Variants in GSE1 observed in about 807,000 individuals in gnomAD.
GSE1 encodes the protein Gse1 coiled-coil protein.
In GSE1, 32 loss-of-function variants were observed where a neutral mutation model predicts 112.6. The observed-to-expected ratio is 0.28, with a 90% CI of 0.21 to 0.38. GSE1 has a LOEUF of 0.38. Among genes scored for constraint, GSE1 ranks in the 10% least tolerant of loss-of-function variants. GSE1 has a pLI of 1.00. For missense variants in GSE1, 2,348 were observed against 1,699.2 expected (o/e 1.38, Z -6.71); for synonymous variants, 1,115 against 735.6 (o/e 1.52, Z -8.35).
intron 1 of GSE1, among the ~76,000 whole-genome samples, chr16:85,230,856 T>TGGAG (rs1250608076): frequency 1.8e-4 from 27 of 151,398 alleles, no homozygotes; most frequent in African/African-American, 6.1e-4. Flanking sequence ...GATGGATGGA[T>TGGAG]GGATGGATGG....
chr16:85,537,491 C>T (rs528189349), intron 2 of GSE1, among the ~76,000 whole-genome samples: 4 of 152,304 alleles, frequency 2.6e-5, no homozygotes, highest in African/African-American at 7.2e-5. Context: ...GCTGCCCAGG[C>T]GCCTGAAAGC....
At chr16:85,627,553 C>T (rs1052536106) in intron 1 of GSE1, among the ~76,000 whole-genome samples, 2 of 151,524 alleles carry the variant, frequency 1.3e-5, no homozygotes, top group Admixed American at 6.6e-5. Context: ...CAGAGCAGCA[C>T]GTGATGTAAA....
rs190902137 is a variant in GSE1, at chr16:85,650,319, C to A, written c.426+1568C>A. Reference sequence around the variant, plus strand: ...CCTTGACCCCATGGGCCCTGAATCACCCGACTCAAACAGCTGAGGCTCCTT... The same window carrying A: ...CCTTGACCCCATGGGCCCTGAATCAACCGACTCAAACAGCTGAGGCTCCTT... On this transcript the variant is annotated intron_variant, in intron 3 of 15. Transcript: ENST00000253458. Among the ~76,000 whole-genome samples, 204 of 152,260 alleles carry A rather than the reference C, an allele frequency of 1.3e-3. 1 individual carries two copies. Among genetic ancestry groups the A allele is most frequent in the African/African-American group, 4.5e-3 (186 of 41,566 alleles).
chr16:85,513,295 A>G (rs1311905823), intron 2 of GSE1, among the ~76,000 whole-genome samples: 1 of 151,314 alleles, frequency 6.6e-6, no homozygotes, highest in Non-Finnish European at 1.5e-5. Flanking sequence ...ATGAACCCGG[A>G]CTCTAGCCTA....
At chr16:85,237,851 G>GA (rs918473288) in intron 1 of GSE1, among the ~76,000 whole-genome samples, 21 of 135,194 alleles carry the variant, frequency 1.6e-4, no homozygotes, top group South Asian at 7.2e-4. Flanking sequence ...CAAAAAAAAA[G>GA]AAAAAAAAAA....
Position 85,550,650 on chromosome 16 carries a change from G to T in GSE1, c.2465-83264G>T, listed in dbSNP as rs905110675. 2.0e-5 allele frequency among the ~76,000 whole-genome samples: 3 copies of T among 152,136 alleles called. No individual in the cohort carries two copies. In the East Asian group the frequency reaches 5.8e-4, roughly 29 times the overall value. ...CAGCTCCCAGCCGAGGCACCCCGCCGCCTGCACTCCAGACCCCAGCCTGCA... is the reference window on the plus strand; with the variant it reads ...CAGCTCCCAGCCGAGGCACCCCGCCTCCTGCACTCCAGACCCCAGCCTGCA... On this transcript the variant is annotated intron_variant, in intron 2 of 2. Coordinates refer to the GSE1 transcript ENST00000637419.
chr16:85,594,375 G>A (rs1237347491), intron 1 of GSE1: 1 of 152,244 alleles, frequency 6.6e-6, no homozygotes, highest in East Asian at 1.9e-4. Context: ...TGAGCCCTGA[G>A]TCTCCAGGGG....
At chr16:85,185,819 C>T (rs956318719) in intron 1 of GSE1, among the ~76,000 whole-genome samples, 3 of 152,242 alleles carry the variant, frequency 2.0e-5, no homozygotes, top group African/African-American at 7.2e-5. Context: ...ATGGTCTGAA[C>T]CCTCCCTGGG....
intron 1 of GSE1, among the ~76,000 whole-genome samples, chr16:85,301,039 C>G (rs780017392): frequency 8.5e-5 from 13 of 152,218 alleles, no homozygotes; most frequent in Non-Finnish European, 1.6e-4. Context: ...CCTTCCCCCA[C>G]TACACAGAAT....
chr16:85,434,307 CTAA>C (rs59877761), intron 2 of GSE1, among the ~76,000 whole-genome samples: 1,704 of 142,240 alleles, frequency 0.012, 9 homozygotes, highest in East Asian at 0.041. Context: ...GGATGGTGGT[CTAA>C]TAATAATAAT....
chr16:85,201,873 T>C (rs998294937), intron 1 of GSE1, among the ~76,000 whole-genome samples: 3 of 152,226 alleles, frequency 2.0e-5, no homozygotes, highest in African/African-American at 7.2e-5. Flanking sequence ...TTTTTAGTTT[T>C]TCAGGGCCTC....
rs1258524933 is a variant in GSE1 at position 85,171,770 on chromosome 16, C to G, written c.2246C>G (p.Pro749Arg). 4.1e-6 allele frequency: 4 copies of G among 985,476 alleles called. No homozygotes were observed. The East Asian group carries it at 4.5e-4, about 112-fold the overall frequency. The allele number at this position is 985,476 out of a possible 1,614,324, so 61.0% of individuals were successfully genotyped here. A position where few individuals can be genotyped will look rare whatever the true frequency, so the allele number is the denominator to read the frequency against. ...GGCCAAGGGCTCACCCGCCAAGGAC[C>G]CATGAGCTGGAGCTCCCCGGTGGCA... The change falls in exon 1 of 3, where the codon CCC (proline) becomes CGC (arginine). Residue 749 changes from proline to arginine, a missense_variant. Coordinates refer to the GSE1 transcript ENST00000637419.
intron 2 of GSE1, among the ~76,000 whole-genome samples, chr16:85,485,599 T>C (rs955917575): frequency 6.6e-6 from 1 of 152,252 alleles, no homozygotes. Flanking sequence ...TTACAGCTAA[T>C]GAGCCTGCTC....
Position 85,671,039 on chromosome 16 carries a change from C to T in GSE1, c.3460C>T (p.Leu1154=). ...RQVLQTQCRR[L]EARHYSLSLT... is the part of the protein sequence containing the mutation. The stretch of plus-strand genomic sequence containing the variant: ...GGTGTTACAGACACAATGTAGACGA[C>T]TGGAGGCCCGGCACTACAGCCTCAG... The change falls in exon 15 of 16, where the codon CTG becomes TTG. Residue 1154 remains leucine, a synonymous_variant. Transcript: ENST00000253458. The T allele has an allele frequency of 1.9e-6, 3 of 1,612,962 alleles. No individual in the cohort carries two copies. The highest frequency in any genetic ancestry group is 2.5e-6 in the Non-Finnish European group (3 of 1,179,014).
chr16:85,628,843 G>A (rs1033974216), intron 1 of GSE1, among the ~76,000 whole-genome samples: 3 of 152,202 alleles, frequency 2.0e-5, no homozygotes, highest in Admixed American at 2.0e-4. Flanking sequence ...CTGGGGTCTG[G>A]TCTGGGACTC....
chr16:85,390,965 G>A (rs1027492081), intron 2 of GSE1, among the ~76,000 whole-genome samples: 3 of 152,216 alleles, frequency 2.0e-5, no homozygotes, highest in Non-Finnish European at 4.4e-5. Context: ...ACTGATAGCG[G>A]TCCACTTTAT....
Position 85,274,392 on chromosome 16 carries a change from A to G in GSE1, c.2284-83071A>G, listed in dbSNP as rs146849143. 1.9e-3 allele frequency among the ~76,000 whole-genome samples: 286 copies of G among 152,282 alleles called. 1 individual carries two copies. The highest frequency in any genetic ancestry group is 6.4e-3 in the African/African-American group (268 of 41,556). On this transcript the variant is annotated intron_variant, in intron 1 of 2. Transcript: ENST00000637419. Reference sequence around the variant, plus strand: ...GAGAAACTCCATCTCAAAAATAAATACATAAATAAATAAAATAAAATAAAT... The same window carrying G: ...GAGAAACTCCATCTCAAAAATAAATGCATAAATAAATAAAATAAAATAAAT...
intron 3 of GSE1, among the ~76,000 whole-genome samples, chr16:85,649,221 A>G (rs1196899264): frequency 2.6e-5 from 4 of 152,012 alleles, no homozygotes; most frequent in African/African-American, 4.8e-5. Flanking sequence ...CTCTTTAAAG[A>G]CCGTGTCTCC....
chr16:85,202,020 A>G (rs1375532825), intron 1 of GSE1, among the ~76,000 whole-genome samples: 1 of 152,218 alleles, frequency 6.6e-6, no homozygotes, highest in East Asian at 1.9e-4. Context: ...TGAGTTGATG[A>G]AAAGGAAAAC....
Sources: gnomAD v4.1 joint callset for allele counts (sites outside exome capture counted in the v4.1 genomes callset) on GRCh38, gnomAD v4.1.1 for gene constraint, MANE v1.5 for transcripts, NCBI Gene and HGNC (gene_info 2026-07-23, HGNC 2026-07-21) for gene names.